The following LAMA4 variants were observed in gnomAD, a reference collection of about 807,000 sequenced individuals.
LAMA4 encodes laminin subunit alpha-4.
In LAMA4, 127 loss-of-function variants were observed where a neutral mutation model predicts 207.1. The ratio of observed to expected loss-of-function variants is 0.61; its 90% CI spans 0.53 to 0.71. The LOEUF is 0.71. Among genes scored for constraint, LAMA4 ranks in the 30% least tolerant of loss-of-function variants. LAMA4 has a pLI of 0.00. For missense variants in LAMA4, 2,093 were observed against 2,246.5 expected (o/e 0.93, Z 1.38); for synonymous variants, 761 against 816.0 (o/e 0.93, Z 1.15).
intron 16 of LAMA4, among the ~76,000 whole-genome samples, chr6:112,152,775 C>T (rs1164383984): frequency 5.3e-5 from 8 of 152,030 alleles, no homozygotes; most frequent in African/African-American, 1.2e-4. Flanking sequence ...ACAAGCACTT[C>T]TTTCATATTT....
intron 2 of LAMA4, among the ~76,000 whole-genome samples, chr6:112,242,341 T>C (rs1192534869): frequency 6.6e-6 from 1 of 152,204 alleles, no homozygotes; most frequent in Non-Finnish European, 1.5e-5. Flanking sequence ...TCAGGTAGTA[T>C]GGGTGAGCTT....
chr6:112,161,433 G>A (rs1781045448), intron 13 of LAMA4, among the ~76,000 whole-genome samples: 1 of 152,152 alleles, frequency 6.6e-6, no homozygotes, highest in Non-Finnish European at 1.5e-5. Context: ...TTGGTCATCT[G>A]GGGAACAATA....
chr6:112,193,154 G>C (rs6919736), intron 5 of LAMA4, among the ~76,000 whole-genome samples: 4,769 of 152,240 alleles, frequency 0.031, 242 homozygotes, highest in African/African-American at 0.11. Flanking sequence ...ATTGAAGGTA[G>C]GGTAGAGAAG....
intron 13 of LAMA4, among the ~76,000 whole-genome samples, chr6:112,160,272 T>C (rs1554338038): frequency 6.6e-6 from 1 of 152,010 alleles, no homozygotes. Context: ...TATAGATGTA[T>C]TTATAGCTAC....
intron 12 of LAMA4, among the ~76,000 whole-genome samples, chr6:112,165,770 A>G (rs562034211): frequency 6.6e-6 from 1 of 152,366 alleles, no homozygotes; most frequent in Non-Finnish European, 1.5e-5. Flanking sequence ...TGGCCCTACT[A>G]TTAAAGCATC....
chr6:112,145,036 GA>G, intron 18 of LAMA4, 103 bp from the exon 19 acceptor site: 1 of 1,130,992 alleles, frequency 8.8e-7, no homozygotes, highest in South Asian at 1.3e-5. Context: ...AGAACTAAGA[GA>G]AATGATTTTT....
At chr6:112,112,413 C>T (rs1554321864) in intron 38 of LAMA4, among the ~76,000 whole-genome samples, 1 of 152,196 alleles carries the variant, frequency 6.6e-6, no homozygotes, top group African/African-American at 2.4e-5. Context: ...AAGGAGGAGA[C>T]AGATGATCAG....
rs587663397 is a variant in LAMA4 at position 112,117,599 on chromosome 6, G to A, written c.4981+140C>T. 7.8e-4 allele frequency: 608 copies of A among 774,628 alleles called. 8 individuals carry two copies. The South Asian group carries it at 8.4e-3, about 11-fold the overall frequency. 48.0% of individuals were successfully genotyped at this position (774,628 alleles called of 1,614,324 possible). A position where few individuals can be genotyped will look rare whatever the true frequency, so the allele number is the denominator to read the frequency against. Reference sequence around the variant, plus strand: ...TGGTTTGGAGTGCAGGAGGGAGAAAGGTGGTTCTTGTGGGAAGAGGTCATC... The same window carrying A: ...TGGTTTGGAGTGCAGGAGGGAGAAAAGTGGTTCTTGTGGGAAGAGGTCATC... On this transcript the variant is annotated intron_variant, in intron 35 of 38. Transcript: ENST00000230538. This position sits in a 1 kb window ranked among gnomAD's most constrained non-coding sequence, Gnocchi z 4.5.
intron 3 of LAMA4, among the ~76,000 whole-genome samples, chr6:112,214,975 G>T (rs1367918270): frequency 2.0e-5 from 3 of 152,210 alleles, no homozygotes; most frequent in Admixed American, 2.0e-4. Context: ...CTGCCTAACA[G>T]CAGCTGATGT....
intron 33 of LAMA4, among the ~76,000 whole-genome samples, 190 bp downstream of exon 33, chr6:112,120,093 C>T (rs1778259330): frequency 6.6e-6 from 1 of 152,174 alleles, no homozygotes; most frequent in African/African-American, 2.4e-5. Context: ...TTACGCTCAG[C>T]CTGTGTCTCT....
chr6:112,220,053 G>A (rs1191149263), intron 2 of LAMA4, among the ~76,000 whole-genome samples: 1 of 152,146 alleles, frequency 6.6e-6, no homozygotes, highest in Non-Finnish European at 1.5e-5. Context: ...GATAAAAAAT[G>A]TAAAATGCCT....
chr6:112,234,808 T>C (rs561418999), intron 2 of LAMA4: 1 of 152,334 alleles, frequency 6.6e-6, no homozygotes, highest in East Asian at 1.9e-4. Flanking sequence ...AAAAATGTGC[T>C]TCATCTGCCA....
chr6:112,222,267 G>A (rs1177958670), intron 2 of LAMA4, among the ~76,000 whole-genome samples: 3 of 152,148 alleles, frequency 2.0e-5, no homozygotes, highest in Admixed American at 1.3e-4. Context: ...TTTTGACAGC[G>A]ATTTCACCAT....
rs1781957493 is a variant in LAMA4, at chr6:112,175,314, T to C, written c.1356A>G (p.Glu452=). The stretch of plus-strand genomic sequence containing the variant: ...CAGCTATGAGAGGAATACACCTACG[T>C]TCGTAAGCCTCATCTGCCTCCTCAT... The part of the protein sequence containing the change: ...LVDEEADEAY[E]LLSQAESWQR... Residue 452 remains glutamate, a splice_region_variant and synonymous_variant, in exon 11 of 39, where the codon GAA becomes GAG. Coordinates refer to ENST00000230538, the MANE Select transcript of LAMA4 (RefSeq NM_001105206.3). 1 of 1,613,770 alleles carries C rather than the reference T, an allele frequency of 6.2e-7. No individual in the cohort carries two copies. The highest frequency in any genetic ancestry group is 1.3e-5 in the African/African-American group (1 of 74,914).
intron 6 of LAMA4, among the ~76,000 whole-genome samples, chr6:112,190,152 G>C (rs717217): frequency 5.3e-5 from 8 of 152,118 alleles, no homozygotes; most frequent in Admixed American, 4.6e-4. Context: ...TCTAAAATTA[G>C]CTTCTCTTCC....
intron 2 of LAMA4, among the ~76,000 whole-genome samples, chr6:112,235,413 A>C (rs1399063842): frequency 6.6e-6 from 1 of 152,214 alleles, no homozygotes; most frequent in East Asian, 1.9e-4. Context: ...GCTGAAACTC[A>C]GAATTGTTAT....
At chr6:112,165,051 A>G in intron 13 of LAMA4, 109 bp downstream of exon 13, 1 of 778,658 alleles carries the variant, frequency 1.3e-6, no homozygotes, top group Non-Finnish European at 2.4e-6. Context: ...TCTGATCTTT[A>G]TAATGCCTGC....
At chr6:112,250,893 T>C (rs375979340) in intron 2 of LAMA4, among the ~76,000 whole-genome samples, 3 of 152,210 alleles carry the variant, frequency 2.0e-5, no homozygotes, top group East Asian at 3.8e-4. Context: ...ACCATATCTA[T>C]ATTGGTCAAG....
Position 112,118,017 on chromosome 6 carries a change from C to A in LAMA4, c.4822-119G>T. The A allele has an allele frequency of 1.2e-6, 1 of 814,556 alleles. No individual in the cohort carries two copies. Among genetic ancestry groups the A allele is most frequent in the Non-Finnish European group, 2.1e-6 (1 of 485,204 alleles). 50.5% of individuals were successfully genotyped at this position (814,556 alleles called of 1,614,324 possible). ...ACGTAATTCCTTGTTTCATTTATTT[C>A]AGATATCTGAATGATCAGTACTTTC... is the stretch of plus-strand genomic sequence containing the variant. On this transcript the variant is annotated intron_variant, in intron 34 of 38. Transcript: ENST00000230538. The surrounding 1 kb of genome is among the most constrained non-coding windows in gnomAD (Gnocchi z 4.6).
Sources: allele counts gnomAD v4.1 joint callset (sites outside exome capture counted in the v4.1 genomes callset), GRCh38; gene constraint gnomAD v4.1.1; non-coding constraint Gnocchi (gnomAD v3.1); transcripts MANE v1.5; gene names NCBI Gene and HGNC (gene_info 2026-07-23, HGNC 2026-07-21).